Variants in PP2D1 observed in about 807,000 individuals in gnomAD.
PP2D1 encodes the protein protein phosphatase 2C-like domain-containing protein 1.
Under a neutral mutation model 30.2 loss-of-function variants are expected in PP2D1, and 25 were observed. The observed-to-expected ratio is 0.83, with a 90% CI of 0.60 to 1.16. The LOEUF (loss-of-function observed/expected upper bound fraction) is 1.16. Ranked by LOEUF, PP2D1 falls within the 50% of genes most tolerant of loss-of-function variation. The pLI is 0.00. For synonymous variants in PP2D1, 260 were observed against 258.9 expected, an observed-to-expected ratio of 1.00 and a Z score of -0.04; for missense variants, 760 against 742.4, an observed-to-expected ratio of 1.02 and a Z score of -0.28.
At chr3:19,993,762 C>T (rs562708097) in intron 2 of PP2D1, among the ~76,000 whole-genome samples, 5 of 151,862 alleles carry the variant, frequency 3.3e-5, no homozygotes, top group Admixed American at 2.6e-4. Flanking sequence ...TGTTTTGAGA[C>T]GGAGTCTCGC....
chr3:20,003,714 G>T (rs1697284224), intron 1 of PP2D1, among the ~76,000 whole-genome samples: 1 of 151,864 alleles, frequency 6.6e-6, no homozygotes. Context: ...TGGCGCCACT[G>T]CACTCCAGCC....
At chr3:20,000,467 C>A (rs1279281361) in intron 2 of PP2D1, among the ~76,000 whole-genome samples, 1 of 152,112 alleles carries the variant, frequency 6.6e-6, no homozygotes, top group Non-Finnish European at 1.5e-5. Context: ...TTCCTAAACT[C>A]CCTGAAATAA....
chr3:20,003,297 T>C (rs990508400), intron 1 of PP2D1, among the ~76,000 whole-genome samples: 46 of 151,804 alleles, frequency 3.0e-4, no homozygotes, highest in African/African-American at 1.1e-3. Context: ...TTATTGCTCC[T>C]GAAGACCTTC....
intron 1 of PP2D1, among the ~76,000 whole-genome samples, chr3:20,002,421 C>T (rs1031702114): frequency 1.3e-5 from 2 of 152,136 alleles, no homozygotes; most frequent in African/African-American, 4.8e-5. Flanking sequence ...CTAATATGGA[C>T]ATACAGTCAT....
chr3:20,001,807 C>A lies in PP2D1; in HGVS notation c.313G>T (p.Val105Leu), dbSNP rs1472032264. 6.5e-7 allele frequency: 1 copy of A among 1,535,132 alleles called. No homozygotes were observed. Among genetic ancestry groups the A allele is most frequent in the East Asian group, 2.4e-5 (1 of 40,924 alleles). Residue 105 changes from valine to leucine, a missense_variant, in exon 2 of 3, where the codon GTG becomes TTG. Around this residue, in one of 3 missense-constraint regions of PP2D1, gnomAD observed 374 missense variants for 388.8 expected, o/e 0.96. Coordinates refer to ENST00000389050, the MANE Select transcript of PP2D1 (RefSeq NM_001252657.2). Reference sequence around the variant, plus strand: ...ATGAACTGTCTCTGAACAGCAATCACTGAGGGCTGTGGTTTCTTTCTACCC... The same window carrying A: ...ATGAACTGTCTCTGAACAGCAATCAATGAGGGCTGTGGTTTCTTTCTACCC... ...WMGRKKPQPS[V>L]IAVQRQFMIS...
chr3:19,987,569 G>T (rs917244375), intron 2 of PP2D1, among the ~76,000 whole-genome samples: 2 of 152,106 alleles, frequency 1.3e-5, no homozygotes, highest in Admixed American at 6.6e-5. Flanking sequence ...CTTGCAGGAG[G>T]AGTTCAATTC....
chr3:20,003,326 A>C (rs1236006917), intron 1 of PP2D1, among the ~76,000 whole-genome samples: 2 of 151,844 alleles, frequency 1.3e-5, no homozygotes, highest in African/African-American at 2.4e-5. Context: ...CAAGATGTGG[A>C]GATGAAAGAC....
In PP2D1 at chr3:19,985,393, T is replaced by C. The variant is rs1211080172; in HGVS notation, c.1880A>G (p.Gln627Arg). ...MVIFLNGSEY[Q>R]LLT ...AACTTTATTTTTTTATGTCAGAAGC[T>C]GATATTCACTTCCATTGAGAAATAT... is the stretch of plus-strand genomic sequence containing the variant. Residue 627 changes from glutamine (Q) to arginine (R), a missense_variant, in exon 3 of 3, where the codon CAG (glutamine) becomes CGG (arginine). Gln to Arg is a conservative substitution (Grantham distance 43). Transcript: ENST00000389050. 6.5e-7 allele frequency: 1 copy of C among 1,527,268 alleles called. No homozygotes were observed. The highest frequency in any genetic ancestry group is 8.8e-7 in the Non-Finnish European group (1 of 1,142,150). The allele number at this position is 1,527,268 out of a possible 1,614,324, so 94.6% of individuals were successfully genotyped here.
intron 1 of PP2D1, among the ~76,000 whole-genome samples, chr3:20,009,262 G>C (rs55892327): frequency 0.16 from 23,967 of 152,100 alleles, 2,484 homozygotes; most frequent in Non-Finnish European, 0.23. Context: ...AGGAGTTGGG[G>C]ACCAGCCTGG....
rs1347311787 is a variant in PP2D1 at position 20,009,002 on chromosome 3, G to A, written c.23+3048C>T. Among the ~76,000 whole-genome samples, 4 of 152,250 alleles carry A rather than the reference G, an allele frequency of 2.6e-5. No homozygotes were observed. In the East Asian group the frequency reaches 7.7e-4, roughly 29 times the overall value. ...TAAAGGCATGAAATTACAATGCTTA[G>A]GGAGAAATGTGTTCTATGTAAAATT... On this transcript the variant is annotated intron_variant, in intron 1 of 2. Coordinates refer to ENST00000389050, the MANE Select transcript of PP2D1 (RefSeq NM_001252657.2).
chr3:19,992,609 CAGAA>C (rs75944266), intron 2 of PP2D1, among the ~76,000 whole-genome samples: 24,821 of 152,022 alleles, frequency 0.16, 2,639 homozygotes, highest in Non-Finnish European at 0.24. Flanking sequence ...TGAATGAAGA[CAGAA>C]AGGTCCACAT....
chr3:19,982,049 C>G (rs1263486791), downstream of PP2D1, among the ~76,000 whole-genome samples: 3 of 151,844 alleles, frequency 2.0e-5, no homozygotes, highest in African/African-American at 7.2e-5. Flanking sequence ...CTAGACCAGC[C>G]TGGGCAACAG....
In PP2D1 at chr3:19,985,606, T is replaced by C. The variant is rs1352570716; in HGVS notation, c.1667A>G (p.Glu556Gly). 1.3e-6 allele frequency: 2 copies of C among 1,535,900 alleles called. No individual in the cohort carries two copies. The highest frequency in any genetic ancestry group is 1.4e-5 in the African/African-American group (1 of 73,052). ...ACTGCAAGGTTTACGATGAGTCGTT[T>C]CTGCTGGAAATGTTTCTACATTCTC... ...NPENVETFPA[E>G]TTHRKPCSEK... Residue 556 changes from glutamate (E) to glycine (G), a missense_variant, in exon 3 of 3, where the codon GAA becomes GGA. Transcript: ENST00000389050.
At chr3:20,010,966 TTAA>T (rs1697378745) in intron 1 of PP2D1, among the ~76,000 whole-genome samples, 1 of 152,100 alleles carries the variant, frequency 6.6e-6, no homozygotes, top group Admixed American at 6.6e-5. Context: ...ATCCAGGTCA[TTAA>T]TAACAGAATG....
downstream of PP2D1, among the ~76,000 whole-genome samples, chr3:19,982,997 T>G (rs1238840164): frequency 6.6e-6 from 1 of 152,162 alleles, no homozygotes; most frequent in Non-Finnish European, 1.5e-5. Context: ...CTTTATAAAC[T>G]TACTGGCTGG....
At chr3:19,994,745 C>G (rs1697156574) in intron 2 of PP2D1, among the ~76,000 whole-genome samples, 2 of 152,218 alleles carry the variant, frequency 1.3e-5, no homozygotes, top group Non-Finnish European at 2.9e-5. Flanking sequence ...GCAGCTAGAG[C>G]TTGCTGAGGA....
intron 1 of PP2D1, 94 bp downstream of exon 1, chr3:20,011,956 A>T: frequency 2.1e-6 from 2 of 949,938 alleles, no homozygotes; most frequent in Non-Finnish European, 3.2e-6. Flanking sequence ...CCAAGGTTTC[A>T]TCTGATAATT....
chr3:20,004,567 C>T (rs1398850491), intron 1 of PP2D1, among the ~76,000 whole-genome samples: 1 of 152,028 alleles, frequency 6.6e-6, no homozygotes, highest in Non-Finnish European at 1.5e-5. Context: ...TTAAAAACTA[C>T]AACAAAGAGG....
At chr3:19,988,607 C>G (rs566137382) in intron 2 of PP2D1, among the ~76,000 whole-genome samples, 1 of 152,216 alleles carries the variant, frequency 6.6e-6, no homozygotes, top group South Asian at 2.1e-4. Flanking sequence ...ATCTCTGTGA[C>G]CCACACCTTA....
Sources: allele counts gnomAD v4.1 joint callset (sites outside exome capture counted in the v4.1 genomes callset), GRCh38; gene constraint gnomAD v4.1.1; regional missense constraint gnomAD v4.1.1; transcripts MANE v1.5; gene names NCBI Gene and HGNC (gene_info 2026-07-23, HGNC 2026-07-21).